Variants in PLB1 observed in about 807,000 individuals in gnomAD.
The protein encoded by PLB1 is phospholipase B1, membrane-associated.
Under a neutral mutation model 227.4 loss-of-function variants are expected in PLB1, and 242 were observed. That is an observed-to-expected ratio of 1.06 (90% CI 0.96 to 1.18). The LOEUF (loss-of-function observed/expected upper bound fraction) is 1.18, where lower values mean the gene tolerates loss of function less well. Among genes scored for constraint, PLB1 ranks in the 50% most tolerant of loss-of-function variants. The pLI is 0.00. For synonymous variants in PLB1, 757 were observed against 682.2 expected, an observed-to-expected ratio of 1.11 and a Z score of -1.71; for missense variants, 1,858 against 1,816.3, an observed-to-expected ratio of 1.02 and a Z score of -0.42.
At chr2:28,529,481 G>C (rs4432404) in intron 7 of PLB1, 74 bp downstream of exon 7, 2 of 1,303,150 alleles carry the variant, frequency 1.5e-6, no homozygotes. Flanking sequence ...GGAGGATTTG[G>C]GGGGCTGGCA....
chr2:28,621,356 A>G (rs10865505), intron 49 of PLB1, among the ~76,000 whole-genome samples: 36,927 of 152,086 alleles, frequency 0.24, 6,121 homozygotes, highest in East Asian at 0.55. Context: ...CAGCAGGTCA[A>G]ACGTGCAGGG....
rs549695262 is a variant in PLB1 at position 28,554,970 on chromosome 2, C to G, written c.1147+1979C>G. 3.3e-5 allele frequency among the ~76,000 whole-genome samples: 5 copies of G among 152,170 alleles called. No homozygotes were observed. The East Asian group carries it at 9.6e-4, about 29-fold the overall frequency. On this transcript the variant is annotated intron_variant, in intron 17 of 57. Transcript: ENST00000327757. ...GATGGGTAGATTTAGGCTCCTCGAT[C>G]TGACCAAGGTGAGCATGGGACCCAA...
At chr2:28,594,177 C>T (rs1046424183) in intron 33 of PLB1, 2 of 413,188 alleles carry the variant, frequency 4.8e-6, no homozygotes, top group Admixed American at 3.1e-5. Flanking sequence ...TATATGTACA[C>T]ATCTGCACAG....
chr2:28,620,834 G>A, intron 48 of PLB1, 45 bp from the exon 49 acceptor site: 1 of 1,539,012 alleles, frequency 6.5e-7, no homozygotes, highest in Non-Finnish European at 9.0e-7. Flanking sequence ...TGAGGGTCCT[G>A]CAGGCTCTCA....
At chr2:28,558,589 A>G (rs1180482608) in intron 17 of PLB1, among the ~76,000 whole-genome samples, 1 of 152,140 alleles carries the variant, frequency 6.6e-6, no homozygotes, top group Non-Finnish European at 1.5e-5. Context: ...TGTTCTTCTA[A>G]CCACATGGTG....
At chr2:28,578,211 A>G in intron 22 of PLB1, 53 bp downstream of exon 22, 2 of 1,573,810 alleles carry the variant, frequency 1.3e-6, no homozygotes, top group Non-Finnish European at 1.7e-6. Flanking sequence ...CACAGAGAAG[A>G]TCAGCTGTGG....
chr2:28,626,583 C>A (rs1348362732), intron 51 of PLB1, 75 bp downstream of exon 51: 1 of 1,351,466 alleles, frequency 7.4e-7, no homozygotes, highest in African/African-American at 1.4e-5. Context: ...GCCCATCCAT[C>A]CCTGGCCCTG....
rs1309151212 is a variant in PLB1, at chr2:28,632,958, C to A, written c.4017C>A (p.Asp1339Glu). ...GTTGGTTGCAGAGAGGGGACACTGA[C>A]CTCACCTTCTTCTCCGAGGACTGTT... ...LTPLNERGDT[D>E]LTFFSEDCFH... is the part of the protein sequence containing the mutation. The change falls in exon 56 of 58, where the codon GAC (aspartate) becomes GAA (glutamate). Residue 1339 changes from aspartate (D) to glutamate (E), a missense_variant. Coordinates refer to ENST00000327757, the MANE Select transcript of PLB1 (RefSeq NM_153021.5). 4.4e-6 allele frequency: 7 copies of A among 1,605,800 alleles called. No individual in the cohort carries two copies. The highest frequency in any genetic ancestry group is 3.0e-5 in the African/African-American group (2 of 67,618).
intron 9 of PLB1, among the ~76,000 whole-genome samples, chr2:28,537,831 T>C (rs1023474181): frequency 2.6e-5 from 4 of 152,062 alleles, no homozygotes; most frequent in Non-Finnish European, 5.9e-5. Flanking sequence ...GGAATGCTTA[T>C]CTTAGGGCAA....
At chr2:28,531,699 A>G (rs1671032278) in intron 8 of PLB1, among the ~76,000 whole-genome samples, 1 of 152,232 alleles carries the variant, frequency 6.6e-6, no homozygotes, top group South Asian at 2.1e-4. Context: ...TAAAAGCTAC[A>G]TAGTGTTTCA....
At chr2:28,502,749 A>T (rs139327057) in intron 1 of PLB1, among the ~76,000 whole-genome samples, 9 of 152,258 alleles carry the variant, frequency 5.9e-5, no homozygotes, top group African/African-American at 2.2e-4. Flanking sequence ...CATAAAATGA[A>T]TTTGGGAGTG....
At chr2:28,560,076 T>G (rs72791639) in intron 17 of PLB1, among the ~76,000 whole-genome samples, 28,630 of 152,102 alleles carry the variant, frequency 0.19, 2,901 homozygotes, top group Middle Eastern at 0.25. Flanking sequence ...CAAAGAAGGC[T>G]GTTGAGAAAG....
In PLB1 at chr2:28,643,313, C is replaced by A. The variant is rs943499068; in HGVS notation, c.*252C>A. 1.1e-5 allele frequency: 4 copies of A among 373,990 alleles called. No individual in the cohort carries two copies. Among genetic ancestry groups the A allele is most frequent in the Non-Finnish European group, 1.9e-5 (4 of 207,294 alleles). 23.2% of individuals were successfully genotyped at this position (373,990 alleles called of 1,614,324 possible). A position where few individuals can be genotyped will look rare whatever the true frequency, so the allele number is the denominator to read the frequency against. On this transcript the variant is annotated 3_prime_UTR_variant, in exon 58 of 58. Coordinates refer to ENST00000327757, the MANE Select transcript of PLB1 (RefSeq NM_153021.5). ...AAGCACTCACCTTCCATCTCTTGTG[C>A]AGCCCAGGTGTGGGAGCTGCCACTT...
At chr2:28,603,700 C>T (rs578076113) in intron 39 of PLB1, among the ~76,000 whole-genome samples, 3 of 152,294 alleles carry the variant, frequency 2.0e-5, no homozygotes, top group South Asian at 2.1e-4. Flanking sequence ...GGTTGCAGGC[C>T]CAGCACCTGC....
chr2:28,579,209 T>A (rs1286640105), intron 22 of PLB1, among the ~76,000 whole-genome samples: 1 of 152,228 alleles, frequency 6.6e-6, no homozygotes, highest in Non-Finnish European at 1.5e-5. Context: ...AAAGATGGTC[T>A]TTCTCCCTTA....
rs756594092 is a variant in PLB1, at chr2:28,630,612, C to T, written c.3845C>T (p.Ser1282Leu). ...AACAACTGCACTTGCCTCAGACACT[C>T]GCAAAGCTCCCTGGAGAAGCAAGAA... The part of the protein sequence containing the change: ...AQNNCTCLRH[S>L]QSSLEKQELK... Residue 1282 changes from serine (S) to leucine (L), a missense_variant, in exon 54 of 58, where the codon TCG (serine) becomes TTG (leucine). By Grantham distance (145) the Ser-to-Leu change is moderately radical. Coordinates refer to ENST00000327757, the MANE Select transcript of PLB1 (RefSeq NM_153021.5). 2.1e-5 allele frequency: 34 copies of T among 1,613,562 alleles called. No individual in the cohort carries two copies. Among genetic ancestry groups the T allele is most frequent in the Admixed American group, 1.0e-4 (6 of 59,948 alleles).
rs747534040 is a variant in PLB1 at position 28,598,775 on chromosome 2, G to A, written c.2474+15G>A. The A allele has an allele frequency of 4.4e-6, 7 of 1,594,820 alleles. No homozygotes were observed. In the African/African-American group the frequency reaches 9.4e-5, roughly 21 times the overall value. The stretch of plus-strand genomic sequence containing the variant: ...GCAAAGGCTGAGTATGGCATTTGGG[G>A]AGGGAGGGAGCCTGCAGAGCAGGGA... On this transcript the variant is annotated intron_variant, in intron 35 of 57. Coordinates refer to ENST00000327757, the MANE Select transcript of PLB1 (RefSeq NM_153021.5).
intron 26 of PLB1, among the ~76,000 whole-genome samples, chr2:28,588,970 C>A (rs549948429): frequency 6.9e-6 from 1 of 144,830 alleles, no homozygotes; most frequent in Admixed American, 6.6e-5. Flanking sequence ...TCGAGACCAG[C>A]CTGGCCAACA....
At chr2:28,559,786 C>G (rs1269706948) in intron 17 of PLB1, among the ~76,000 whole-genome samples, 1 of 112,124 alleles carries the variant, frequency 8.9e-6, no homozygotes, top group Admixed American at 1.3e-4. Flanking sequence ...GAGTCTCGCT[C>G]TATCTCCCAG....
Sources: allele counts gnomAD v4.1 joint callset (sites outside exome capture counted in the v4.1 genomes callset), GRCh38; gene constraint gnomAD v4.1.1; transcripts MANE v1.5; gene names NCBI Gene and HGNC (gene_info 2026-07-23, HGNC 2026-07-21).